Variants in FAXC observed in about 807,000 individuals in gnomAD.
FAXC encodes failed axon connections homolog, metaxin like GST domain containing.
A neutral mutation model predicts 41.9 loss-of-function variants in FAXC; 10 were observed. That is an observed-to-expected ratio of 0.24 (90% CI 0.15 to 0.41). The LOEUF is 0.41. Ranked by LOEUF, FAXC falls within the 10% of genes least tolerant of loss-of-function variation. The pLI is 1.00. For synonymous variants in FAXC, 183 were observed against 183.8 expected (o/e 1.00, Z 0.03); for missense variants, 399 against 510.9 (o/e 0.78, Z 2.11).
At chr6:99,316,953 A>G (rs1172220337) in intron 4 of FAXC, among the ~76,000 whole-genome samples, 1 of 152,104 alleles carries the variant, frequency 6.6e-6, no homozygotes, top group African/African-American at 2.4e-5. Context: ...GGGACGCACT[A>G]CTTTGCAACT....
In FAXC at chr6:99,286,697, T is replaced by G. The variant is rs221544; in HGVS notation, c.940+5007A>C. Among the ~76,000 whole-genome samples, 977 of 152,350 alleles carry G rather than the reference T, an allele frequency of 6.4e-3. 8 individuals carry two copies. Among genetic ancestry groups the G allele is most frequent in the African/African-American group, 0.023 (957 of 41,578 alleles). On this transcript the variant is annotated intron_variant, in intron 5 of 5. Coordinates refer to ENST00000389677, the MANE Select transcript of FAXC (RefSeq NM_032511.4). ...TCAATTTCACTTTTCTCAGCTTTCT[T>G]AAGCTCTCCACATCTGTTTTAAGGA...
chr6:99,304,256 A>C (rs1237071148), intron 4 of FAXC, among the ~76,000 whole-genome samples: 1 of 152,154 alleles, frequency 6.6e-6, no homozygotes, highest in Non-Finnish European at 1.5e-5. Flanking sequence ...ATTGCACTCC[A>C]GCCTGGGCAA....
intron 2 of FAXC, among the ~76,000 whole-genome samples, chr6:99,339,512 G>A (rs1007949443): frequency 1.3e-5 from 2 of 152,174 alleles, no homozygotes; most frequent in African/African-American, 2.4e-5. Flanking sequence ...GAAGGGCAGT[G>A]CACTGAATTA....
At chr6:99,317,991 G>C (rs1252199694) in intron 4 of FAXC, among the ~76,000 whole-genome samples, 2 of 151,908 alleles carry the variant, frequency 1.3e-5, no homozygotes, top group Non-Finnish European at 2.9e-5. Context: ...GGGCGCGGTG[G>C]CTCACGCCTG....
chr6:99,302,128 C>T (rs997177644), intron 4 of FAXC, among the ~76,000 whole-genome samples: 1 of 152,206 alleles, frequency 6.6e-6, no homozygotes, highest in Non-Finnish European at 1.5e-5. Context: ...TCCTTCCAAA[C>T]TCACTCACAC....
intron 4 of FAXC, among the ~76,000 whole-genome samples, chr6:99,293,553 A>G (rs2128450568): frequency 6.6e-6 from 1 of 152,338 alleles, no homozygotes; most frequent in South Asian, 2.1e-4. Context: ...CTTCTGAACT[A>G]TAAAATGAGA....
intron 2 of FAXC, among the ~76,000 whole-genome samples, chr6:99,340,689 T>A (rs1028193268): frequency 1.8e-4 from 15 of 81,656 alleles, no homozygotes; most frequent in African/African-American, 5.4e-4. Flanking sequence ...TTTTTTTTTT[T>A]ATGGAGTCTG....
rs983925027 is a variant in FAXC, at chr6:99,271,873, T to C, written c.*9291A>G. On this transcript the variant is annotated 3_prime_UTR_variant, in exon 6 of 6. Transcript: ENST00000389677. ...CCAAAGATTTGGTCAAATTTTAAGA[T>C]AGAATTTGAAACATCCTGCATGTCT... is the stretch of plus-strand genomic sequence containing the variant. 2 of 152,184 alleles carry C rather than the reference T, an allele frequency of 1.3e-5. No individual in the cohort carries two copies. The highest frequency in any genetic ancestry group is 2.4e-5 in the African/African-American group (1 of 41,438). 9.4% of individuals were successfully genotyped at this position (152,184 alleles called of 1,614,324 possible). A position where few individuals can be genotyped will look rare whatever the true frequency, so the allele number is the denominator to read the frequency against.
rs530881995 is a variant in FAXC, at chr6:99,290,353, C to T, written c.940+1351G>A. On this transcript the variant is annotated intron_variant, in intron 5 of 5. Transcript: ENST00000389677. Reference sequence around the variant, plus strand: ...TGATAGGCCTCACATCCAAGGTACACATTACACAAAAAAAGTACTAAGATT... The same window carrying T: ...TGATAGGCCTCACATCCAAGGTACATATTACACAAAAAAAGTACTAAGATT... Among the ~76,000 whole-genome samples, 5 of 152,080 alleles carry T rather than the reference C, an allele frequency of 3.3e-5. No homozygotes were observed. The South Asian group carries it at 1.0e-3, about 32-fold the overall frequency.
intron 2 of FAXC, among the ~76,000 whole-genome samples, chr6:99,334,095 T>TCTTA (rs769819090): frequency 2.1e-4 from 32 of 152,208 alleles, no homozygotes; most frequent in Non-Finnish European, 4.0e-4. Context: ...CTACTGTGCC[T>TCTTA]CTTAAAAATG....
chr6:99,286,973 T>C (rs1298810916), intron 5 of FAXC, among the ~76,000 whole-genome samples: 2 of 152,210 alleles, frequency 1.3e-5, no homozygotes, highest in Admixed American at 6.5e-5. Context: ...CAAGAGCTTA[T>C]GCCCTTTGAG....
chr6:99,343,517 A>T (rs867803985), intron 1 of FAXC, among the ~76,000 whole-genome samples: 1 of 152,304 alleles, frequency 6.6e-6, no homozygotes. Flanking sequence ...TACTACTGTT[A>T]TCCACGTTTT....
chr6:99,313,435 A>G (rs1772222140), intron 4 of FAXC, among the ~76,000 whole-genome samples: 1 of 152,190 alleles, frequency 6.6e-6, no homozygotes, highest in Non-Finnish European at 1.5e-5. Context: ...TTTATTTATA[A>G]AAGCTCTTCA....
intron 3 of FAXC, among the ~76,000 whole-genome samples, chr6:99,327,522 C>T (rs553372016): frequency 3.3e-5 from 5 of 152,128 alleles, no homozygotes; most frequent in Admixed American, 6.5e-5. Context: ...GGAACTTCCC[C>T]TTAGCTTACA....
At chr6:99,333,689 T>A (rs1773110598) in intron 2 of FAXC, 142 bp from the exon 3 acceptor site, 1 of 676,472 alleles carries the variant, frequency 1.5e-6, no homozygotes, top group Non-Finnish European at 2.4e-6. Context: ...ATAAACTCCT[T>A]AAGACAATAC....
intron 5 of FAXC, among the ~76,000 whole-genome samples, chr6:99,284,663 A>T (rs1274051618): frequency 6.6e-6 from 1 of 151,680 alleles, no homozygotes; most frequent in Non-Finnish European, 1.5e-5. Context: ...CTGTAATCTC[A>T]GCACTCTGGA....
rs947225963 is a variant in FAXC, at chr6:99,272,037, A to C, written c.*9127T>G. 2 of 152,184 alleles carry C rather than the reference A, an allele frequency of 1.3e-5. No homozygotes were observed. Among genetic ancestry groups the C allele is most frequent in the African/African-American group, 4.8e-5 (2 of 41,450 alleles). 9.4% of individuals were successfully genotyped at this position (152,184 alleles called of 1,614,324 possible). A position where few individuals can be genotyped will look rare whatever the true frequency, so the allele number is the denominator to read the frequency against. On this transcript the variant is annotated 3_prime_UTR_variant, in exon 6 of 6. Coordinates refer to ENST00000389677, the MANE Select transcript of FAXC (RefSeq NM_032511.4). ...CTGACCCTAAAGACTTGAGCATATC[A>C]TGGCCATATTACCATATGCCAGTTT...
At position 99,271,383 on chromosome 6, in the gene FAXC, G is replaced by T. The variant is rs927983899; in HGVS notation, c.*9781C>A. ...CTATTTCAAAGTATTTCTGACTAGG[G>T]TCTATGTTAATAAACAGGGCTGATA... is the stretch of plus-strand genomic sequence containing the variant. On this transcript the variant is annotated 3_prime_UTR_variant, in exon 6 of 6. Coordinates refer to ENST00000389677, the MANE Select transcript of FAXC (RefSeq NM_032511.4). 6.6e-6 allele frequency: 1 copy of T among 152,002 alleles called. No individual in the cohort carries two copies. The highest frequency in any genetic ancestry group is 1.5e-5 in the Non-Finnish European group (1 of 67,996). 9.4% of individuals were successfully genotyped at this position (152,002 alleles called of 1,614,324 possible). A position where few individuals can be genotyped will look rare whatever the true frequency, so the allele number is the denominator to read the frequency against.
At chr6:99,321,145 C>T (rs1772573736) in intron 4 of FAXC, among the ~76,000 whole-genome samples, 1 of 152,180 alleles carries the variant, frequency 6.6e-6, no homozygotes, top group African/African-American at 2.4e-5. Flanking sequence ...GGACTATAAG[C>T]TAGTTGAGAG....
Sources: gnomAD v4.1 joint callset for allele counts (sites outside exome capture counted in the v4.1 genomes callset) on GRCh38, gnomAD v4.1.1 for gene constraint, MANE v1.5 for transcripts, NCBI Gene and HGNC (gene_info 2026-07-23, HGNC 2026-07-21) for gene names.